The following CIBAR1 variants were observed in gnomAD, a reference collection of about 807,000 sequenced individuals.
CIBAR1 encodes the protein CBY1-interacting BAR domain-containing protein 1.
A neutral mutation model predicts 44.0 loss-of-function variants in CIBAR1; 25 were observed. The observed-to-expected ratio is 0.57, with a 90% confidence interval of 0.41 to 0.79. CIBAR1 has a LOEUF of 0.79. Among genes scored for constraint, CIBAR1 ranks in the 30% least tolerant of loss-of-function variants. The pLI, the probability that CIBAR1 is intolerant of heterozygous loss-of-function variation, is 0.00. For missense variants in CIBAR1, 278 were observed against 344.8 expected, an observed-to-expected ratio of 0.81 and a Z score of 1.53; for synonymous variants, 115 against 119.0, an observed-to-expected ratio of 0.97 and a Z score of 0.22.
chr8:93,710,516 A>G (rs774190308), intron 6 of CIBAR1, among the ~76,000 whole-genome samples: 8 of 151,968 alleles, frequency 5.3e-5, no homozygotes, highest in Non-Finnish European at 1.0e-4. Context: ...CTTCACAGCA[A>G]CTCCATGAGG....
At chr8:93,725,412 T>A (rs1035927234) in intron 7 of CIBAR1, among the ~76,000 whole-genome samples, 1 of 152,110 alleles carries the variant, frequency 6.6e-6, no homozygotes, top group African/African-American at 2.4e-5. Context: ...AGCATTTAAG[T>A]TTCAGGAAGG....
chr8:93,711,805 G>T (rs371256505), intron 6 of CIBAR1, among the ~76,000 whole-genome samples: 47 of 152,168 alleles, frequency 3.1e-4, no homozygotes, highest in African/African-American at 1.0e-3. Context: ...TGATCTTTGG[G>T]CTCACTTCTA....
intron 7 of CIBAR1, among the ~76,000 whole-genome samples, chr8:93,723,060 T>C (rs140107044): frequency 1.3e-5 from 2 of 152,178 alleles, no homozygotes; most frequent in Non-Finnish European, 2.9e-5. Flanking sequence ...GCAGTGGCGC[T>C]ATCTCCACTC....
chr8:93,702,324 ACT>A (rs1421033911), intron 2 of CIBAR1: 1 of 396,610 alleles, frequency 2.5e-6, no homozygotes, highest in African/African-American at 2.1e-5. Context: ...TAAACAAGTA[ACT>A]CTCAATTATA....
chr8:93,728,816 A>G lies in CIBAR1; in HGVS notation c.*519A>G, dbSNP rs1811669692. 6.6e-6 allele frequency: 1 copy of G among 152,120 alleles called. No homozygotes were observed. The highest frequency in any genetic ancestry group is 1.5e-5 in the Non-Finnish European group (1 of 67,962). The allele number at this position is 152,120 out of a possible 1,614,324, so 9.4% of individuals were successfully genotyped here. ...AAGAGTATAACCAAAGAGTAAAGAT[A>G]ATGTGACACTAAGTTATCAATGTTT... On this transcript the variant is annotated 3_prime_UTR_variant, in exon 9 of 9. Transcript: ENST00000518322.
intron 3 of CIBAR1, among the ~76,000 whole-genome samples, chr8:93,704,173 G>A (rs75637795): frequency 2.5e-3 from 373 of 152,104 alleles, no homozygotes; most frequent in African/African-American, 8.2e-3. Context: ...AGCTTATTAA[G>A]TATACTGTAG....
chr8:93,721,833 AAGTGTT>A (rs1438568035), intron 7 of CIBAR1, among the ~76,000 whole-genome samples: 1 of 152,104 alleles, frequency 6.6e-6, no homozygotes, highest in Non-Finnish European at 1.5e-5. Context: ...GAAAAAAAAA[AAGTGTT>A]GTGTGTGATG....
chr8:93,702,423 C>T (rs1810401010), intron 2 of CIBAR1: 1 of 408,552 alleles, frequency 2.4e-6, no homozygotes, highest in Non-Finnish European at 4.9e-6. Context: ...ATTTCAATGC[C>T]CCTTTGTAGA....
rs368652620 is a variant in CIBAR1, at chr8:93,709,810, C to T, written c.478C>T (p.Arg160Ter). The T allele has an allele frequency of 8.1e-6, 13 of 1,612,954 alleles. No individual in the cohort carries two copies. Among genetic ancestry groups the T allele is most frequent in the South Asian group, 2.2e-5 (2 of 90,880 alleles). The change falls in exon 6 of 9, where the codon CGA (arginine) becomes TGA (stop). Residue 160 changes from arginine (R) to a stop codon, truncating the protein, a stop_gained. Coordinates refer to ENST00000518322, the MANE Select transcript of CIBAR1 (RefSeq NM_145269.5). LOFTEE classifies it high-confidence loss of function. ...ACAGAGAGCTGCAATGGATGCTAGC[C>T]GAACAAGTCGTCATCTGGAGGAAAC... ...ELQRAAMDAS[R>*]TSRHLEETIN... is the part of the protein sequence containing the mutation.
In CIBAR1 at chr8:93,701,384, A is replaced by G; in HGVS notation, c.187A>G (p.Thr63Ala). 5 of 1,613,640 alleles carry G rather than the reference A, an allele frequency of 3.1e-6. No individual in the cohort carries two copies. The highest frequency in any genetic ancestry group is 4.2e-6 in the Non-Finnish European group (5 of 1,179,840). ...AATTAACGCGTATGCTGCTACAGAG[A>G]CCCCGCATTTAAAGCTGGGCCTGAT... is the stretch of plus-strand genomic sequence containing the variant. ...NEINAYAATE[T>A]PHLKLGLMNF... The change falls in exon 2 of 9, where the codon ACC becomes GCC. Residue 63 changes from threonine (T) to alanine (A), a missense_variant. Transcript: ENST00000518322.
chr8:93,715,407 AATAT>A (rs1408187176), intron 6 of CIBAR1: 2 of 152,330 alleles, frequency 1.3e-5, no homozygotes, highest in East Asian at 3.9e-4. Flanking sequence ...TTTTATTATA[AATAT>A]AAATCATAAA....
intron 2 of CIBAR1, among the ~76,000 whole-genome samples, chr8:93,702,984 G>C (rs1810423690): frequency 6.6e-6 from 1 of 151,964 alleles, no homozygotes; most frequent in African/African-American, 2.4e-5. Context: ...ACTTGTAAAA[G>C]AAGTAATTAC....
intron 2 of CIBAR1, chr8:93,701,924 A>G (rs1810375748): frequency 4.9e-6 from 1 of 203,774 alleles, no homozygotes; most frequent in African/African-American, 2.4e-5. Flanking sequence ...TGGTTTACTA[A>G]CAACAACAAA....
chr8:93,727,314 T>C, intron 8 of CIBAR1: 1 of 675,844 alleles, frequency 1.5e-6, no homozygotes, highest in Non-Finnish European at 2.1e-6. Context: ...TTTATATGTA[T>C]GTATCTCTCC....
At chr8:93,707,375 G>A (rs1810636358) in intron 4 of CIBAR1, 2 of 192,952 alleles carry the variant, frequency 1.0e-5, no homozygotes, top group South Asian at 7.6e-5. Context: ...CACATATCCC[G>A]GTTATGGCTT....
chr8:93,702,682 A>C (rs1422843290), intron 2 of CIBAR1: 5 of 253,062 alleles, frequency 2.0e-5, no homozygotes, highest in African/African-American at 1.1e-4. Context: ...TGAATACTTG[A>C]TGAGAAGTCG....
At chr8:93,723,526 G>A (rs750887622) in intron 7 of CIBAR1, among the ~76,000 whole-genome samples, 12 of 151,690 alleles carry the variant, frequency 7.9e-5, no homozygotes, top group African/African-American at 2.9e-4. Context: ...CCTCATAGAT[G>A]TTAATTAAAT....
rs1046390862 is a variant in CIBAR1, at chr8:93,722,651, A to T, written c.658-3743A>T. 3.3e-5 allele frequency among the ~76,000 whole-genome samples: 5 copies of T among 152,136 alleles called. No homozygotes were observed. The South Asian group carries it at 1.0e-3, about 32-fold the overall frequency. On this transcript the variant is annotated intron_variant, in intron 7 of 8. Coordinates refer to ENST00000518322, the MANE Select transcript of CIBAR1 (RefSeq NM_145269.5). Reference sequence around the variant, plus strand: ...GAGGCAGAGGTTGCAGTGAGCTGAGAGTGTGCCAATTGCACTCCAGCCTGG... The same window carrying T: ...GAGGCAGAGGTTGCAGTGAGCTGAGTGTGTGCCAATTGCACTCCAGCCTGG...
chr8:93,724,501 T>G (rs1811397779), intron 7 of CIBAR1: 3 of 710,318 alleles, frequency 4.2e-6, no homozygotes, highest in East Asian at 6.6e-5. Flanking sequence ...ATTTTCATAT[T>G]TTTTGTAGAG....
Sources: allele counts gnomAD v4.1 joint callset (sites outside exome capture counted in the v4.1 genomes callset), GRCh38; gene constraint gnomAD v4.1.1; transcripts MANE v1.5; gene names NCBI Gene and HGNC (gene_info 2026-07-23, HGNC 2026-07-21).